SNX27: variants seen among roughly 807,000 people sequenced by gnomAD.
SNX27 encodes the protein sorting nexin-27.
Under a neutral mutation model 71.6 loss-of-function variants are expected in SNX27, and 22 were observed. The observed-to-expected ratio is 0.31, with a 90% confidence interval of 0.22 to 0.44. The LOEUF is 0.44. SNX27 is among the 20% of genes least tolerant of loss of function. The pLI is 1.00. For missense variants in SNX27, 531 were observed against 698.6 expected, an observed-to-expected ratio of 0.76 and a Z score of 2.70; for synonymous variants, 269 against 277.2, an observed-to-expected ratio of 0.97 and a Z score of 0.29.
intron 1 of SNX27, among the ~76,000 whole-genome samples, chr1:151,637,271 C>A (rs950086168): frequency 6.7e-6 from 1 of 149,866 alleles, no homozygotes; most frequent in Non-Finnish European, 1.5e-5. Flanking sequence ...CTCCGCCTGC[C>A]GGGTTCACGC....
rs1183818364 is a variant in SNX27, at chr1:151,696,494, TTTCTTTCTTTCGTTCTTTCGTTCTTTCG to T, written c.*2089_*2116del. The stretch of plus-strand genomic sequence containing the variant: ...CTTTCTTTCTTTCTTTCTTTCTTTC[TTTCTTTCTTTCGTTCTTTCGTTCTTTCG>T]TTCTTTCTTTCTTTCTTTCTTTCTC... On this transcript the variant is annotated 3_prime_UTR_variant, in exon 12 of 12. Transcript: ENST00000458013. The T allele has an allele frequency of 2.2e-5, 3 of 136,858 alleles. No homozygotes were observed. Among genetic ancestry groups the T allele is most frequent in the African/African-American group, 3.0e-5 (1 of 33,168 alleles). The allele number at this position is 136,858 out of a possible 1,614,324, so 8.5% of individuals were successfully genotyped here. A position where few individuals can be genotyped will look rare whatever the true frequency, so the allele number is the denominator to read the frequency against.
intron 5 of SNX27, among the ~76,000 whole-genome samples, chr1:151,663,344 G>A (rs1170552403): frequency 6.6e-6 from 1 of 151,928 alleles, no homozygotes; most frequent in African/African-American, 2.4e-5. Context: ...TAGAGATGGG[G>A]TTTCACTGTG....
chr1:151,642,501 C>G (rs746827493), intron 2 of SNX27, among the ~76,000 whole-genome samples: 3 of 152,020 alleles, frequency 2.0e-5, no homozygotes, highest in Non-Finnish European at 4.4e-5. Flanking sequence ...TCTCGTTTAT[C>G]AGTTTTTAAA....
chr1:151,644,726 T>A (rs1034585655), intron 2 of SNX27, among the ~76,000 whole-genome samples: 3 of 152,210 alleles, frequency 2.0e-5, no homozygotes, highest in Admixed American at 2.0e-4. Flanking sequence ...TACCATAGTT[T>A]TTACTCTTAC....
intron 3 of SNX27, chr1:151,660,311 C>CTT (rs1669908322): frequency 7.1e-6 from 1 of 141,434 alleles, no homozygotes; most frequent in African/African-American, 2.6e-5. Context: ...TATGTGAATT[C>CTT]TTAATTACCT....
chr1:151,693,435 G>A lies in SNX27; in HGVS notation c.1530G>A (p.Met510Ile). ...VKIFTPYFNY[M>I]HECFERVFCE... ...ACCTTTTTTTTCAGTTCAATTACAT[G>A]CATGAGTGCTTCGAGAGGGTGTTCT... is the stretch of plus-strand genomic sequence containing the variant. The change falls in exon 11 of 12, where the codon ATG (methionine) becomes ATA (isoleucine). Residue 510 changes from methionine to isoleucine, a missense_variant. Coordinates refer to ENST00000458013, the MANE Select transcript of SNX27 (RefSeq NM_001330723.2). The A allele has an allele frequency of 6.2e-7, 1 of 1,614,096 alleles. No homozygotes were observed. The highest frequency in any genetic ancestry group is 8.5e-7 in the Non-Finnish European group (1 of 1,179,998).
rs187243063 is a variant in SNX27 at position 151,643,054 on chromosome 1, C to T, written c.543+3935C>T. 1.5e-3 allele frequency among the ~76,000 whole-genome samples: 227 copies of T among 152,166 alleles called. 2 individuals are homozygous for T. Among genetic ancestry groups the T allele is most frequent in the African/African-American group, 5.2e-3 (214 of 41,520 alleles). ...TCTTGGCTCACTGTAACCTCTGCCTCCTGGGTTCAAGTGATTCTTCTGCCT... is the reference window on the plus strand; with the variant it reads ...TCTTGGCTCACTGTAACCTCTGCCTTCTGGGTTCAAGTGATTCTTCTGCCT... On this transcript the variant is annotated intron_variant, in intron 2 of 11. Transcript: ENST00000458013.
At chr1:151,615,436 A>G (rs948853078) in intron 1 of SNX27, among the ~76,000 whole-genome samples, 7 of 152,004 alleles carry the variant, frequency 4.6e-5, no homozygotes, top group African/African-American at 1.7e-4. Flanking sequence ...CAGCAACCAA[A>G]TAGATGTGGT....
chr1:151,689,107 C>G lies in SNX27; in HGVS notation c.1240-3328C>G, dbSNP rs184738363. Among the ~76,000 whole-genome samples the G allele has an allele frequency of 6.8e-4, 103 of 152,262 alleles. 1 individual carries two copies. The highest frequency in any genetic ancestry group is 2.4e-3 in the African/African-American group (99 of 41,540). The stretch of plus-strand genomic sequence containing the variant: ...GGAGGGATAAATTAGTCTTTTGATT[C>G]AGAGGGGACGGACAGGGCATGTATT... On this transcript the variant is annotated intron_variant, in intron 8 of 11. Transcript: ENST00000458013.
intron 2 of SNX27, among the ~76,000 whole-genome samples, chr1:151,653,827 GTTTTTTTTGTTTTTTT>G (rs376946667): frequency 1.0e-4 from 8 of 79,416 alleles, no homozygotes; most frequent in African/African-American, 2.1e-4. Context: ...AGCCTGGAGA[GTTTTTTTTGTTTTTTT>G]TTTTTTTTGA....
chr1:151,693,270 G>C, intron 10 of SNX27, 154 bp from the exon 11 acceptor site: 2 of 917,260 alleles, frequency 2.2e-6, no homozygotes, highest in Non-Finnish European at 3.4e-6. Context: ...CTAGAGAATA[G>C]TGGATGAACC....
At position 151,643,729 on chromosome 1, in the gene SNX27, C is replaced by T. The variant is rs936273765; in HGVS notation, c.543+4610C>T. On this transcript the variant is annotated intron_variant, in intron 2 of 11. Coordinates refer to ENST00000458013, the MANE Select transcript of SNX27 (RefSeq NM_001330723.2). ...AGGCTAGAGTGCAATAGTGCAATCT[C>T]GGCTCACCGCAACGTCTGCCTCCTG... Among the ~76,000 whole-genome samples the T allele has an allele frequency of 9.9e-5, 15 of 152,124 alleles. No homozygotes were observed. The East Asian group carries it at 2.5e-3, about 26-fold the overall frequency.
chr1:151,667,717 C>T (rs1386916459), intron 6 of SNX27, among the ~76,000 whole-genome samples: 1 of 149,604 alleles, frequency 6.7e-6, no homozygotes, highest in African/African-American at 2.4e-5. Context: ...GTCCCAGCTA[C>T]TTGGGAGGCT....
At chr1:151,681,559 A>G (rs576007632) in intron 7 of SNX27, among the ~76,000 whole-genome samples, 29 of 152,200 alleles carry the variant, frequency 1.9e-4, no homozygotes, top group South Asian at 8.3e-4. Context: ...CTTAATCTTG[A>G]ACTCATTTGC....
intron 8 of SNX27, 132 bp from the exon 9 acceptor site, chr1:151,692,303 G>GA: frequency 1.7e-6 from 2 of 1,197,416 alleles, no homozygotes; most frequent in Non-Finnish European, 2.2e-6. Context: ...CAGGTCTTCA[G>GA]GTTGTTGGGT....
intron 3 of SNX27, among the ~76,000 whole-genome samples, chr1:151,659,254 T>A (rs1485247703): frequency 6.6e-6 from 1 of 152,052 alleles, no homozygotes; most frequent in Non-Finnish European, 1.5e-5. Flanking sequence ...TTGTTTTGTT[T>A]TGTTTTGTTT....
At chr1:151,652,259 A>T (rs1314699884) in intron 2 of SNX27, among the ~76,000 whole-genome samples, 1 of 149,444 alleles carries the variant, frequency 6.7e-6, no homozygotes, top group African/African-American at 2.5e-5. Flanking sequence ...GGAGAGGGAG[A>T]GGGAGAGGAA....
chr1:151,637,963 C>T (rs1313686663), intron 1 of SNX27, among the ~76,000 whole-genome samples: 3 of 152,224 alleles, frequency 2.0e-5, no homozygotes, highest in Non-Finnish European at 4.4e-5. Context: ...AACCTCCAGG[C>T]CTGCTGCCCA....
At position 151,696,543 on chromosome 1, in the gene SNX27, T is replaced by TTC; in HGVS notation, c.*2130_*2131dup. On this transcript the variant is annotated 3_prime_UTR_variant, in exon 12 of 12. Coordinates refer to ENST00000458013, the MANE Select transcript of SNX27 (RefSeq NM_001330723.2). ...TTTCGTTCTTTCTTTCTTTCTTTCT[T>TTC]TCTCTTTCTTTCTTTTGCTTTCCTT... 1 of 144,328 alleles carries TTC rather than the reference T, an allele frequency of 6.9e-6. No homozygotes were observed. The highest frequency in any genetic ancestry group is 2.0e-4 in the East Asian group (1 of 4,924). The allele number at this position is 144,328 out of a possible 1,614,324, so 8.9% of individuals were successfully genotyped here. A position where few individuals can be genotyped will look rare whatever the true frequency, so the allele number is the denominator to read the frequency against.
Sources: allele counts gnomAD v4.1 joint callset (sites outside exome capture counted in the v4.1 genomes callset), GRCh38; gene constraint gnomAD v4.1.1; transcripts MANE v1.5; gene names NCBI Gene and HGNC (gene_info 2026-07-23, HGNC 2026-07-21).